Variants in BFSP1 observed in about 807,000 individuals in gnomAD.
The protein encoded by BFSP1 is filensin.
Under a neutral mutation model 43.9 loss-of-function variants are expected in BFSP1, and 38 were observed. The observed-to-expected ratio is 0.87, with a 90% CI of 0.67 to 1.14. BFSP1 has a LOEUF of 1.14. Among genes scored for constraint, BFSP1 ranks in the 50% most tolerant of loss-of-function variants. The pLI is 0.00. For synonymous variants in BFSP1, 352 were observed against 354.8 expected (o/e 0.99, Z 0.09); for missense variants, 850 against 875.1 (o/e 0.97, Z 0.36).
chr20:17,539,962 GA>G (rs1404930946), intron 1 of BFSP1, among the ~76,000 whole-genome samples: 2 of 152,084 alleles, frequency 1.3e-5, no homozygotes, highest in African/African-American at 4.8e-5. Context: ...GCTATTTTAT[GA>G]ACTATTTTCA....
intron 3 of BFSP1, among the ~76,000 whole-genome samples, chr20:17,513,440 T>A (rs1220574760): frequency 6.6e-6 from 1 of 152,166 alleles, no homozygotes; most frequent in Non-Finnish European, 1.5e-5. Context: ...GGAAGAATTA[T>A]TTGAGCTGCT....
chr20:17,503,615 A>G (rs1357179517), intron 5 of BFSP1, among the ~76,000 whole-genome samples: 4 of 152,146 alleles, frequency 2.6e-5, no homozygotes, highest in Non-Finnish European at 5.9e-5. Context: ...GCCCATAAAT[A>G]CCACAGCAGG....
chr20:17,514,826 G>C lies in BFSP1; in HGVS notation c.439-10C>G. The C allele has an allele frequency of 6.2e-7, 1 of 1,612,716 alleles. No individual in the cohort carries two copies. Among genetic ancestry groups the C allele is most frequent in the Non-Finnish European group, 8.5e-7 (1 of 1,179,352 alleles). On this transcript the variant is annotated splice_polypyrimidine_tract_variant and intron_variant, in intron 2 of 7. Coordinates refer to ENST00000377873, the MANE Select transcript of BFSP1 (RefSeq NM_001195.5). The stretch of plus-strand genomic sequence containing the variant: ...AGGCTTCATCAGCTTCCTGCAATGA[G>C]AGCCACATATCCCTGGCCACAGGCA...
intron 5 of BFSP1, among the ~76,000 whole-genome samples, chr20:17,503,925 A>G (rs920109721): frequency 3.9e-5 from 6 of 152,196 alleles, no homozygotes; most frequent in Non-Finnish European, 7.3e-5. Flanking sequence ...GCATCACAGA[A>G]TGGGAAATGA....
intron 2 of BFSP1, 151 bp from the exon 3 acceptor site, chr20:17,514,967 C>A: frequency 1.5e-6 from 1 of 669,244 alleles, no homozygotes; most frequent in Non-Finnish European, 2.6e-6. Flanking sequence ...ATTATGCATT[C>A]TAGCAAGGCA....
chr20:17,560,829 A>G (rs984316837), upstream of BFSP1: 5 of 152,182 alleles, frequency 3.3e-5, no homozygotes, highest in African/African-American at 4.8e-5. Context: ...AGTCCCAACC[A>G]GAGAGCTTGC....
At chr20:17,562,520 CTG>C, upstream of BFSP1, among the ~76,000 whole-genome samples, 1 of 102,442 alleles carries the variant, frequency 9.8e-6, no homozygotes, top group Non-Finnish European at 1.7e-5. Flanking sequence ...GAGTGAGACT[CTG>C]TCTCAAAAAA....
chr20:17,558,724 T>A (rs752917045), exon 1 of BFSP1: 2 of 1,551,774 alleles, frequency 1.3e-6, no homozygotes, highest in East Asian at 2.4e-5. Flanking sequence ...TCTGTGAAAT[T>A]TGAAAATCCA....
At chr20:17,500,018 G>C (rs1458279112) in intron 5 of BFSP1, among the ~76,000 whole-genome samples, 1 of 147,270 alleles carries the variant, frequency 6.8e-6, no homozygotes. Flanking sequence ...AAATCTGATA[G>C]CAAAAAAATA....
At chr20:17,530,350 G>C (rs548059235) in intron 1 of BFSP1, among the ~76,000 whole-genome samples, 1 of 152,358 alleles carries the variant, frequency 6.6e-6, no homozygotes, top group East Asian at 1.9e-4. Context: ...TACATTTTCT[G>C]AGCCTCAGTC....
At chr20:17,545,013 T>C (rs16999380) in intron 1 of BFSP1, among the ~76,000 whole-genome samples, 9,847 of 152,278 alleles carry the variant, frequency 0.065, 489 homozygotes, top group African/African-American at 0.14. Flanking sequence ...TGTGTTCTTG[T>C]CATGTGAAAA....
rs376904264 is a variant in BFSP1 at position 17,531,124 on chromosome 20, C to T, written c.206G>A (p.Arg69Gln). Residue 69 changes from arginine to glutamine, a missense_variant, in exon 1 of 8, where the codon CGG becomes CAG. Physicochemically the swap from Arg to Gln is conservative, Grantham distance 43 (BLOSUM62 1). Transcript: ENST00000377873. ...RALEQRHAGLRRQLDAFQRLG... is the reference protein window; with the variant it reads ...RALEQRHAGLQRQLDAFQRLG... ...GCGCTGGAAGGCATCCAGCTGCCTCCGGAGCCCGGCATGGCGCTGCTCGAG... is the reference window on the plus strand; with the variant it reads ...GCGCTGGAAGGCATCCAGCTGCCTCTGGAGCCCGGCATGGCGCTGCTCGAG... 3.0e-6 allele frequency: 4 copies of T among 1,333,914 alleles called. No individual in the cohort carries two copies. The highest frequency in any genetic ancestry group is 6.3e-5 in the East Asian group (2 of 31,858). 82.6% of individuals were successfully genotyped at this position (1,333,914 alleles called of 1,614,324 possible).
intron 1 of BFSP1, among the ~76,000 whole-genome samples, chr20:17,556,203 A>T (rs951486287): frequency 6.6e-6 from 1 of 152,188 alleles, no homozygotes; most frequent in Non-Finnish European, 1.5e-5. Context: ...CTTAAGCAAA[A>T]TTTAAAATAC....
Position 17,507,761 on chromosome 20 carries a change from G to A in BFSP1, c.735+1128C>T, listed in dbSNP as rs1254201472. Among the ~76,000 whole-genome samples the A allele has an allele frequency of 6.6e-6, 1 of 152,162 alleles. No individual in the cohort carries two copies. The highest frequency in any genetic ancestry group is 1.9e-4 in the East Asian group (1 of 5,182). On this transcript the variant is annotated intron_variant, in intron 5 of 7. Transcript: ENST00000377873. This position sits in a 1 kb window ranked among gnomAD's most constrained non-coding sequence, Gnocchi z 4.4. ...TGAGGCACATGGTCCCTGAGCCAGG[G>A]TTTGTCTCACAAGAAGGAGGAGTTT...
chr20:17,538,004 C>A (rs979820110), intron 1 of BFSP1, among the ~76,000 whole-genome samples: 6 of 149,366 alleles, frequency 4.0e-5, no homozygotes, highest in Admixed American at 6.6e-5. Context: ...GTCTGTAGTT[C>A]CAGCTACTTG....
At chr20:17,568,125 C>A (rs1451416829) in intron 1 of BFSP1, among the ~76,000 whole-genome samples, 1 of 151,920 alleles carries the variant, frequency 6.6e-6, no homozygotes, top group Non-Finnish European at 1.5e-5. Context: ...CTGGGAGGGG[C>A]AGTGGGCACT....
intron 1 of BFSP1, among the ~76,000 whole-genome samples, chr20:17,555,670 A>G (rs1369226343): frequency 6.6e-6 from 1 of 152,204 alleles, no homozygotes; most frequent in Non-Finnish European, 1.5e-5. Context: ...AAAACAAAAT[A>G]AACAAACAAA....
chr20:17,539,612 A>C (rs1328499368), intron 1 of BFSP1, among the ~76,000 whole-genome samples: 1 of 151,838 alleles, frequency 6.6e-6, no homozygotes, highest in Non-Finnish European at 1.5e-5. Flanking sequence ...ATAATACAAA[A>C]AATTAGCTGA....
intron 1 of BFSP1, chr20:17,569,039 G>A (rs2035157107): frequency 6.6e-6 from 1 of 152,162 alleles, no homozygotes; most frequent in African/African-American, 2.4e-5. Context: ...TAAAAACCCG[G>A]AGAACTGAGC....
Sources: gnomAD v4.1 joint callset for allele counts (sites outside exome capture counted in the v4.1 genomes callset) on GRCh38, gnomAD v4.1.1 for gene constraint, Gnocchi (gnomAD v3.1) non-coding constraint, MANE v1.5 for transcripts, NCBI Gene and HGNC (gene_info 2026-07-23, HGNC 2026-07-21) for gene names.